Variants in SESTD1 observed in about 807,000 individuals in gnomAD.
The protein encoded by SESTD1 is SEC14 domain and spectrin repeat-containing protein 1.
Under a neutral mutation model 101.7 loss-of-function variants are expected in SESTD1, and 43 were observed. The ratio of observed to expected loss-of-function variants is 0.42; its 90% CI spans 0.33 to 0.55. SESTD1 has a LOEUF of 0.55. SESTD1 is among the 20% of genes least tolerant of loss of function. The probability of loss-of-function intolerance (pLI) is 0.07; values close to 1 mark genes in which losing one functional copy is unlikely to be tolerated. For synonymous variants in SESTD1, 283 were observed against 286.8 expected (o/e 0.99, Z 0.13); for missense variants, 647 against 815.1 (o/e 0.79, Z 2.51).
intron 1 of SESTD1, among the ~76,000 whole-genome samples, chr2:179,251,085 A>C (rs1559162621): frequency 6.6e-6 from 1 of 152,212 alleles, no homozygotes; most frequent in Non-Finnish European, 1.5e-5. Flanking sequence ...ACTACTCAGT[A>C]ATTAAAAAGG....
At chr2:179,122,990 G>C in intron 12 of SESTD1, among the ~76,000 whole-genome samples, 1 of 152,164 alleles carries the variant, frequency 6.6e-6, no homozygotes, top group African/African-American at 2.4e-5. Context: ...CAATAATTTG[G>C]TTTAGTCATG....
chr2:179,122,066 T>C, intron 12 of SESTD1, 137 bp from the exon 13 acceptor site: 1 of 612,876 alleles, frequency 1.6e-6, no homozygotes, highest in Non-Finnish European at 2.5e-6. Flanking sequence ...TGGGATGGAA[T>C]CCCAAGACTC....
intron 1 of SESTD1, among the ~76,000 whole-genome samples, chr2:179,203,084 C>T (rs540651381): frequency 7.4e-6 from 1 of 134,624 alleles, no homozygotes; most frequent in South Asian, 2.8e-4. Flanking sequence ...GGGGTGATCC[C>T]AGATGGGAAA....
In SESTD1 at chr2:179,201,495, C is replaced by T. The variant is rs561391650; in HGVS notation, c.-25-9629G>A. 2.0e-4 allele frequency among the ~76,000 whole-genome samples: 26 copies of T among 131,894 alleles called. 1 individual carries two copies. In the East Asian group the frequency reaches 5.1e-3, roughly 26 times the overall value. The allele number at this position is 131,894 out of a possible 152,430, so 86.5% of individuals were successfully genotyped here. ...ACACGTATGTTTATTGTGGCATTAT[C>T]CACAATAGCAAAGGCTTGGAACCAA... On this transcript the variant is annotated intron_variant, in intron 1 of 17. Coordinates refer to ENST00000428443, the MANE Select transcript of SESTD1 (RefSeq NM_178123.5).
chr2:179,197,737 T>C (rs1190130180), intron 1 of SESTD1, among the ~76,000 whole-genome samples: 1 of 152,062 alleles, frequency 6.6e-6, no homozygotes, highest in African/African-American at 2.4e-5. Flanking sequence ...AGAAATAAAA[T>C]CCTTTACAGA....
intron 1 of SESTD1, among the ~76,000 whole-genome samples, chr2:179,229,780 A>ATATATATATATATATAT (rs2046953299): frequency 3.9e-5 from 3 of 77,360 alleles, no homozygotes; most frequent in South Asian, 5.8e-4. Flanking sequence ...TATATACTCA[A>ATATATATATATATATAT]ATACACACAC....
intron 7 of SESTD1, among the ~76,000 whole-genome samples, chr2:179,149,059 C>CAAAAAAAAAA (rs66636048): frequency 6.6e-5 from 4 of 60,410 alleles, no homozygotes; most frequent in Admixed American, 2.9e-4. Flanking sequence ...GACTCCGTCT[C>CAAAAAAAAAA]AAAAAAAAAA....
chr2:179,239,232 G>T (rs1002775005), intron 1 of SESTD1, among the ~76,000 whole-genome samples: 7 of 152,072 alleles, frequency 4.6e-5, no homozygotes, highest in Non-Finnish European at 1.0e-4. Flanking sequence ...AATGAATAGA[G>T]AATTTTTTTT....
chr2:179,176,362 C>A, intron 4 of SESTD1, 86 bp downstream of exon 4: 1 of 979,524 alleles, frequency 1.0e-6, no homozygotes, highest in Non-Finnish European at 1.6e-6. Context: ...AGGCACAGTC[C>A]AATAAATTAA....
At chr2:179,135,083 T>C (rs2045109029) in intron 9 of SESTD1, among the ~76,000 whole-genome samples, 1 of 152,080 alleles carries the variant, frequency 6.6e-6, no homozygotes, top group Non-Finnish European at 1.5e-5. Flanking sequence ...TAGCTGGGAT[T>C]ACAGGCGCCC....
chr2:179,116,647 G>A, intron 15 of SESTD1, 21 bp downstream of exon 15: 1 of 1,613,948 alleles, frequency 6.2e-7, no homozygotes, highest in Non-Finnish European at 8.5e-7. Flanking sequence ...TTGTGGAAAA[G>A]GAAGATAACC....
chr2:179,196,223 C>T (rs2046390864), intron 1 of SESTD1, among the ~76,000 whole-genome samples: 1 of 152,170 alleles, frequency 6.6e-6, no homozygotes, highest in South Asian at 2.1e-4. Flanking sequence ...TGGGTCACTC[C>T]CACTCGAATC....
At chr2:179,196,110 A>G (rs1353029133) in intron 1 of SESTD1, among the ~76,000 whole-genome samples, 17 of 152,238 alleles carry the variant, frequency 1.1e-4, no homozygotes. Flanking sequence ...CACCATGTGC[A>G]AAACGAAGCA....
At chr2:179,116,040 G>A (rs559200546) in intron 15 of SESTD1, among the ~76,000 whole-genome samples, 1 of 152,168 alleles carries the variant, frequency 6.6e-6, no homozygotes, top group East Asian at 1.9e-4. Flanking sequence ...TTGGGAGGCC[G>A]AGGCGGGTGG....
In SESTD1 at chr2:179,214,159, T is replaced by C. The variant is rs1472281213; in HGVS notation, c.-25-22293A>G. ...TAACCTTAAATGTAAATGGGCTAAA[T>C]GCTCCAATTAAAAGACACAGACTGG... On this transcript the variant is annotated intron_variant, in intron 1 of 17. Coordinates refer to ENST00000428443, the MANE Select transcript of SESTD1 (RefSeq NM_178123.5). Among the ~76,000 whole-genome samples the C allele has an allele frequency of 1.6e-4, 21 of 134,898 alleles. 4 individuals are homozygous for C. Among genetic ancestry groups the C allele is most frequent in the African/African-American group, 5.3e-4 (18 of 34,066 alleles). The allele number at this position is 134,898 out of a possible 152,430, so 88.5% of individuals were successfully genotyped here. A position where few individuals can be genotyped will look rare whatever the true frequency, so the allele number is the denominator to read the frequency against.
At chr2:179,239,799 T>G (rs760919302) in intron 1 of SESTD1, among the ~76,000 whole-genome samples, 5 of 152,232 alleles carry the variant, frequency 3.3e-5, no homozygotes, top group Non-Finnish European at 5.9e-5. Flanking sequence ...AATTATCTAC[T>G]ATTCCAATGT....
chr2:179,139,681 C>T (rs2045234206), intron 9 of SESTD1, among the ~76,000 whole-genome samples: 1 of 152,094 alleles, frequency 6.6e-6, no homozygotes, highest in African/African-American at 2.4e-5. Flanking sequence ...TTTGAAGGAC[C>T]CCACTGACTC....
intron 1 of SESTD1, among the ~76,000 whole-genome samples, chr2:179,251,178 C>G (rs2047311939): frequency 6.6e-6 from 1 of 152,062 alleles, no homozygotes; most frequent in Non-Finnish European, 1.5e-5. Context: ...AATATATATA[C>G]AATAAGATCC....
chr2:179,191,737 A>T, intron 2 of SESTD1, 50 bp downstream of exon 2: 1 of 1,454,322 alleles, frequency 6.9e-7, no homozygotes. Context: ...AGAAGAAACT[A>T]TTAAAAAGTT....
Sources: gnomAD v4.1 joint callset for allele counts (sites outside exome capture counted in the v4.1 genomes callset) on GRCh38, gnomAD v4.1.1 for gene constraint, MANE v1.5 for transcripts, NCBI Gene and HGNC (gene_info 2026-07-23, HGNC 2026-07-21) for gene names.